STS: variants seen among roughly 807,000 people sequenced by gnomAD.
STS encodes steroid sulfatase, also known as steryl-sulfatase.
STS carries 7 observed loss-of-function variants against 26.8 expected under a neutral mutation model. That is an observed-to-expected ratio of 0.26 (90% CI 0.15 to 0.49). The LOEUF (loss-of-function observed/expected upper bound fraction) is 0.49. Ranked by LOEUF, STS falls within the 20% of genes least tolerant of loss-of-function variation. The pLI is 0.98. For missense variants in STS, 434 were observed against 465.6 expected (o/e 0.93, Z 0.63); for synonymous variants, 199 against 189.4 (o/e 1.05, Z -0.42).
At chrX:7,259,253 C>A in intron 5 of STS, 96 bp from the exon 6 acceptor site, 1 of 929,469 alleles carries the variant, frequency 1.1e-6, no homozygotes, top group Non-Finnish European at 1.6e-6. Context: ...ATGAAATAGT[C>A]AGAAAGAACC....
At chrX:7,191,832 G>C (rs1933880109) in intron 2 of STS, among the ~76,000 whole-genome samples, 2 of 112,604 alleles carry the variant, frequency 1.8e-5, no homozygotes, top group African/African-American at 6.4e-5. Flanking sequence ...CCTCCCCCTG[G>C]TGGAAGTGAG....
In STS at chrX:7,350,392, C is replaced by T. The variant is rs1426151088; in HGVS notation, c.*131C>T. 38 of 959,631 alleles carry T rather than the reference C, an allele frequency of 4.0e-5. No individual in the cohort carries two copies. Among genetic ancestry groups the T allele is most frequent in the Non-Finnish European group, 4.8e-5 (34 of 704,537 alleles). The allele number at this position is 959,631 out of a possible 1,213,427, so 79.1% of individuals were successfully genotyped here. On this transcript the variant is annotated 3_prime_UTR_variant, in exon 11 of 11. Coordinates refer to ENST00000674429, the MANE Select transcript of STS (RefSeq NM_001320752.2). ...TTTGGACTGATTCTCCATTTTATCA[C>T]CTGAAGGCTTGGGCCAGAGCTCAAC...
intron 1 of STS, among the ~76,000 whole-genome samples, chrX:7,166,782 G>A (rs1933359685): frequency 9.0e-6 from 1 of 111,654 alleles, no homozygotes; most frequent in African/African-American, 3.3e-5. Flanking sequence ...TAGAATCAAA[G>A]AGAAAACCAC....
intron 8 of STS, among the ~76,000 whole-genome samples, chrX:7,307,225 G>C (rs1926263545): frequency 9.0e-6 from 1 of 111,364 alleles, no homozygotes; most frequent in Non-Finnish European, 1.9e-5. Flanking sequence ...GAACCGGTGT[G>C]TTTAATCTGA....
At chrX:7,298,250 G>A (rs1332167695) in intron 7 of STS, among the ~76,000 whole-genome samples, 1 of 111,531 alleles carries the variant, frequency 9.0e-6, no homozygotes, top group Non-Finnish European at 1.9e-5. Context: ...TCAACTTTAT[G>A]CCTTTTTATT....
At chrX:7,203,740 C>G (rs1934118670) in intron 2 of STS, among the ~76,000 whole-genome samples, 1 of 110,524 alleles carries the variant, frequency 9.0e-6, no homozygotes, top group Non-Finnish European at 1.9e-5. Context: ...CCTTTCTATA[C>G]AAACATATGC....
intron 9 of STS, 98 bp downstream of exon 9, chrX:7,325,596 TG>T (rs1927404257): frequency 3.0e-6 from 3 of 1,003,172 alleles, no homozygotes; most frequent in Non-Finnish European, 4.2e-6. Context: ...CCAAGGCCTT[TG>T]GCCCCCTGGA....
chrX:7,343,347 A>G (rs1382446907), intron 10 of STS, among the ~76,000 whole-genome samples: 3 of 112,340 alleles, frequency 2.7e-5, no homozygotes, highest in African/African-American at 9.7e-5. Context: ...GTCTTACGAC[A>G]TGTATTACAG....
intron 10 of STS, among the ~76,000 whole-genome samples, chrX:7,346,334 A>G (rs778466730): frequency 2.8e-4 from 31 of 111,276 alleles, no homozygotes; most frequent in Non-Finnish European, 5.5e-4. Flanking sequence ...TAACAGTGCT[A>G]TATCATATGT....
intron 2 of STS, among the ~76,000 whole-genome samples, chrX:7,246,748 A>G (rs1306681083): frequency 1.8e-5 from 2 of 112,250 alleles, no homozygotes; most frequent in African/African-American, 6.5e-5. Context: ...GAAATGATCC[A>G]TTAGTTACAC....
intron 1 of STS, among the ~76,000 whole-genome samples, chrX:7,166,658 TA>T (rs1180805163): frequency 2.7e-5 from 3 of 112,209 alleles, no homozygotes; most frequent in Middle Eastern, 4.6e-3. Flanking sequence ...TGCAGGTGCC[TA>T]GAGCTTGCAG....
intron 1 of STS, among the ~76,000 whole-genome samples, chrX:7,173,102 C>A (rs889607459): frequency 9.0e-6 from 1 of 110,752 alleles, no homozygotes; most frequent in African/African-American, 3.3e-5. Context: ...CTATCCTCCC[C>A]ACACAGGCCC....
intron 7 of STS, among the ~76,000 whole-genome samples, chrX:7,299,536 T>C (rs1479957350): frequency 9.2e-6 from 1 of 108,262 alleles, no homozygotes; most frequent in Admixed American, 1.0e-4. Flanking sequence ...GCCTAATGCT[T>C]CCAAAAGTAT....
chrX:7,339,413 A>C (rs749653484), intron 10 of STS, among the ~76,000 whole-genome samples: 137 of 112,810 alleles, frequency 1.2e-3, no homozygotes, highest in African/African-American at 4.2e-3. Flanking sequence ...AATTAAGAAA[A>C]AGCACATATA....
chrX:7,341,528 C>T (rs1050392138), intron 10 of STS, among the ~76,000 whole-genome samples: 3 of 112,009 alleles, frequency 2.7e-5, no homozygotes, highest in Non-Finnish European at 5.6e-5. Context: ...AATCCCAAAG[C>T]AAATGTACTT....
chrX:7,306,616 A>G (rs1427913919), intron 8 of STS, among the ~76,000 whole-genome samples: 1 of 111,779 alleles, frequency 8.9e-6, no homozygotes, highest in Non-Finnish European at 1.9e-5. Context: ...GGGAAGACCC[A>G]GTACAATTTG....
intron 7 of STS, among the ~76,000 whole-genome samples, chrX:7,283,591 T>C (rs1244437141): frequency 1.6e-4 from 18 of 110,749 alleles, no homozygotes; most frequent in African/African-American, 5.6e-4. Context: ...TTGGAGACCA[T>C]GAATTGGGTG....
At chrX:7,278,589 T>G (rs1333722541) in intron 7 of STS, among the ~76,000 whole-genome samples, 1 of 112,398 alleles carries the variant, frequency 8.9e-6, no homozygotes, top group Non-Finnish European at 1.9e-5. Flanking sequence ...TGCCTTATTC[T>G]TAGCTGAGTG....
rs1339876466 is a variant in STS at position 7,351,009 on chromosome X, A to T, written c.*748A>T. ...GTAAATACAGTAGAAGCTCACAAAT[A>T]GATTTCTTTGCACAATGATTTTTTG... is the stretch of plus-strand genomic sequence containing the variant. On this transcript the variant is annotated 3_prime_UTR_variant, in exon 11 of 11. Coordinates refer to ENST00000674429, the MANE Select transcript of STS (RefSeq NM_001320752.2). 1 of 112,615 alleles carries T rather than the reference A, an allele frequency of 8.9e-6. No individual in the cohort carries two copies. Among genetic ancestry groups the T allele is most frequent in the African/African-American group, 3.2e-5 (1 of 30,975 alleles). 9.3% of individuals were successfully genotyped at this position (112,615 alleles called of 1,213,427 possible).
Sources: allele counts gnomAD v4.1 joint callset (sites outside exome capture counted in the v4.1 genomes callset), GRCh38; gene constraint gnomAD v4.1.1; transcripts MANE v1.5; gene names NCBI Gene and HGNC (gene_info 2026-07-23, HGNC 2026-07-21).